HSD17B4: variants seen among roughly 807,000 people sequenced by gnomAD.
The protein encoded by HSD17B4 is peroxisomal multifunctional enzyme type 2.
HSD17B4 carries 70 observed loss-of-function variants against 101.0 expected under a neutral mutation model. The ratio of observed to expected loss-of-function variants is 0.69; its 90% CI spans 0.57 to 0.85. The LOEUF is 0.85. Among genes scored for constraint, HSD17B4 ranks in the 40% least tolerant of loss-of-function variants. The pLI, the probability that HSD17B4 is intolerant of heterozygous loss-of-function variation, is 0.00. For synonymous variants in HSD17B4, 347 were observed against 297.1 expected, an observed-to-expected ratio of 1.17 and a Z score of -1.73; for missense variants, 984 against 892.4, an observed-to-expected ratio of 1.10 and a Z score of -1.31.
At chr5:119,505,267 T>C (rs575089218) in intron 14 of HSD17B4, among the ~76,000 whole-genome samples, 5 of 152,148 alleles carry the variant, frequency 3.3e-5, no homozygotes, top group Non-Finnish European at 7.4e-5. Context: ...AATAGTTTTT[T>C]CTAATTCTGT....
chr5:119,510,475 G>A (rs1295314246), intron 16 of HSD17B4, among the ~76,000 whole-genome samples: 6 of 152,110 alleles, frequency 3.9e-5, no homozygotes, highest in Admixed American at 2.6e-4. Context: ...TTATACTGTA[G>A]TCAATATTCT....
intron 12 of HSD17B4, among the ~76,000 whole-genome samples, chr5:119,498,052 A>G (rs879674492): frequency 1.3e-5 from 2 of 152,200 alleles, no homozygotes; most frequent in Admixed American, 6.5e-5. Context: ...TTCGAGAACA[A>G]TTGTGATAGC....
chr5:119,475,277 A>T (rs1748473843), intron 4 of HSD17B4, among the ~76,000 whole-genome samples: 1 of 151,912 alleles, frequency 6.6e-6, no homozygotes. Context: ...ATAAGGCATC[A>T]GTTTGTAACT....
At chr5:119,514,501 G>C (rs977421985) in intron 16 of HSD17B4, among the ~76,000 whole-genome samples, 5 of 152,068 alleles carry the variant, frequency 3.3e-5, no homozygotes, top group Admixed American at 2.6e-4. Context: ...TCATCAAAAA[G>C]GAATTTTAAG....
At chr5:119,503,986 G>A (rs139217537) in intron 14 of HSD17B4, among the ~76,000 whole-genome samples, 6 of 152,062 alleles carry the variant, frequency 3.9e-5, no homozygotes, top group East Asian at 1.9e-4. Flanking sequence ...TTATGTCCAC[G>A]TGTACCCAGA....
At chr5:119,483,869 A>G (rs1749365826) in intron 8 of HSD17B4, among the ~76,000 whole-genome samples, 1 of 152,334 alleles carries the variant, frequency 6.6e-6, no homozygotes, top group Admixed American at 6.5e-5. Flanking sequence ...TATCACAACC[A>G]AACAAAATAA....
chr5:119,452,750 G>T, intron 1 of HSD17B4, 117 bp downstream of exon 1: 1 of 1,590,222 alleles, frequency 6.3e-7, no homozygotes, highest in South Asian at 1.1e-5. Flanking sequence ...TGGTGGGGAG[G>T]GGAATGGTTA....
At chr5:119,452,768 G>C in intron 1 of HSD17B4, 135 bp downstream of exon 1, 1 of 1,570,344 alleles carries the variant, frequency 6.4e-7, no homozygotes, top group Non-Finnish European at 8.6e-7. Context: ...TTATTCTTGA[G>C]GCACCGCATC....
rs1561437909 is a variant in HSD17B4, at chr5:119,471,709, C to G, written c.113-2199C>G. 3 of 1,385,884 alleles carry G rather than the reference C, an allele frequency of 2.2e-6. No homozygotes were observed. The South Asian group carries it at 4.0e-5, about 19-fold the overall frequency. 85.8% of individuals were successfully genotyped at this position (1,385,884 alleles called of 1,614,324 possible). A position where few individuals can be genotyped will look rare whatever the true frequency, so the allele number is the denominator to read the frequency against. Reference sequence around the variant, plus strand: ...CAGATTCTTTGTTTCAAGTAATTCTCTTAAGTTCTGTTTTTCCAAGTTATT... The same window carrying G: ...CAGATTCTTTGTTTCAAGTAATTCTGTTAAGTTCTGTTTTTCCAAGTTATT... On this transcript the variant is annotated intron_variant, in intron 2 of 23. Coordinates refer to ENST00000510025, the MANE Select transcript of HSD17B4 (RefSeq NM_000414.4).
rs946285018 is a variant in HSD17B4 at position 119,475,609 on chromosome 5, G to T, written c.281-97G>T. 13 of 967,688 alleles carry T rather than the reference G, an allele frequency of 1.3e-5. No individual in the cohort carries two copies. The Admixed American group carries it at 2.2e-4, about 17-fold the overall frequency. The allele number at this position is 967,688 out of a possible 1,614,324, so 59.9% of individuals were successfully genotyped here. On this transcript the variant is annotated intron_variant, in intron 4 of 23. Transcript: ENST00000510025. ...TACCTATTATATTTACTTTTTCATG[G>T]TTAAAAAACGCCAGTTTTGAGAGAA...
At chr5:119,504,583 T>C (rs374063156) in intron 14 of HSD17B4, among the ~76,000 whole-genome samples, 12 of 152,330 alleles carry the variant, frequency 7.9e-5, no homozygotes, top group East Asian at 5.8e-4. Context: ...GTGTCTTCTT[T>C]TGAGAAGTGT....
At chr5:119,489,530 G>A (rs556168674) in intron 9 of HSD17B4, among the ~76,000 whole-genome samples, 1 of 152,148 alleles carries the variant, frequency 6.6e-6, no homozygotes, top group Non-Finnish European at 1.5e-5. Flanking sequence ...CGGTCAAAAT[G>A]TGGGGAATTT....
At chr5:119,516,550 G>C (rs1752628432) in intron 17 of HSD17B4, among the ~76,000 whole-genome samples, 1 of 151,804 alleles carries the variant, frequency 6.6e-6, no homozygotes. Context: ...CAATATTTTT[G>C]TGTGAATAAT....
intron 2 of HSD17B4, among the ~76,000 whole-genome samples, chr5:119,460,393 C>A (rs532892714): frequency 2.0e-5 from 3 of 152,290 alleles, no homozygotes; most frequent in East Asian, 3.9e-4. Context: ...TGAATTCCAG[C>A]TGATAATAAA....
intron 17 of HSD17B4, among the ~76,000 whole-genome samples, chr5:119,523,311 T>A (rs1443996163): frequency 6.6e-6 from 1 of 152,158 alleles, no homozygotes; most frequent in Non-Finnish European, 1.5e-5. Flanking sequence ...ATATAGCTAT[T>A]TTTCTTTTTC....
At chr5:119,510,375 C>G (rs1192394601) in intron 16 of HSD17B4, among the ~76,000 whole-genome samples, 1 of 152,154 alleles carries the variant, frequency 6.6e-6, no homozygotes, top group African/African-American at 2.4e-5. Context: ...CTTTTGTTCT[C>G]AAATTCTAGA....
Position 119,494,153 on chromosome 5 carries a change from A to G in HSD17B4, c.868+207A>G, listed in dbSNP as rs73249955. 6.8e-3 allele frequency among the ~76,000 whole-genome samples: 1,034 copies of G among 152,180 alleles called. 9 individuals are homozygous for G. The highest frequency in any genetic ancestry group is 0.024 in the African/African-American group (986 of 41,524). On this transcript the variant is annotated intron_variant, in intron 11 of 23. Coordinates refer to ENST00000510025, the MANE Select transcript of HSD17B4 (RefSeq NM_000414.4). ...ACTGTCAGTTTTTCAGCTTTATTATAATCCTGTTTTTTGGGTTTATGTGTG... is the reference window on the plus strand; with the variant it reads ...ACTGTCAGTTTTTCAGCTTTATTATGATCCTGTTTTTTGGGTTTATGTGTG...
chr5:119,466,246 A>G (rs182724190), intron 2 of HSD17B4, among the ~76,000 whole-genome samples: 14 of 151,780 alleles, frequency 9.2e-5, no homozygotes, highest in Non-Finnish European at 1.8e-4. Flanking sequence ...CATCAGGGAT[A>G]TTGGACTTCA....
intron 20 of HSD17B4, among the ~76,000 whole-genome samples, chr5:119,528,621 T>G (rs1359925594): frequency 6.6e-6 from 1 of 152,150 alleles, no homozygotes. Flanking sequence ...GCTTTTTGAT[T>G]AAGATTATGA....
Sources: gnomAD v4.1 joint callset for allele counts (sites outside exome capture counted in the v4.1 genomes callset) on GRCh38, gnomAD v4.1.1 for gene constraint, MANE v1.5 for transcripts, NCBI Gene and HGNC (gene_info 2026-07-23, HGNC 2026-07-21) for gene names.